The following SAV1 variants were observed in gnomAD, a reference collection of about 807,000 sequenced individuals.
The protein encoded by SAV1 is salvador family WW domain containing protein 1.
A neutral mutation model predicts 47.3 loss-of-function variants in SAV1; 23 were observed. The ratio of observed to expected loss-of-function variants is 0.49; its 90% CI spans 0.35 to 0.69. The LOEUF (loss-of-function observed/expected upper bound fraction) is 0.69. Ranked by LOEUF, SAV1 falls within the 30% of genes least tolerant of loss-of-function variation. The pLI is 0.01. For missense variants in SAV1, 448 were observed against 457.4 expected (o/e 0.98, Z 0.19); for synonymous variants, 155 against 159.2 (o/e 0.97, Z 0.20).
Position 50,640,891 on chromosome 14 carries a change from A to G in SAV1, c.809T>C (p.Val270Ala). The G allele has an allele frequency of 6.2e-7, 1 of 1,603,140 alleles. No homozygotes were observed. The highest frequency in any genetic ancestry group is 1.1e-5 in the South Asian group (1 of 88,948). Residue 270 changes from valine to alanine, a missense_variant and splice_region_variant, in exon 4 of 5, where the codon GTA becomes GCA. By Grantham distance (64) the Val-to-Ala change is moderately conservative (BLOSUM62 0). Coordinates refer to ENST00000324679, the MANE Select transcript of SAV1 (RefSeq NM_021818.4). ...AQYRHPCAPS[V>A]PRYDQPPPVT... ...AGGAGGTGGTTGATCATACCGAGGT[A>G]CACTAAGAAGAAAGGAGTGACATTC...
intron 2 of SAV1, among the ~76,000 whole-genome samples, chr14:50,660,246 A>C (rs1162482154): frequency 6.6e-5 from 10 of 152,120 alleles, no homozygotes; most frequent in Admixed American, 6.5e-4. Context: ...CTATGATCTC[A>C]TACCAGTCCA....
chr14:50,638,329 T>C (rs976588250), intron 4 of SAV1, among the ~76,000 whole-genome samples: 5 of 152,344 alleles, frequency 3.3e-5, no homozygotes, highest in African/African-American at 9.6e-5. Flanking sequence ...ATTCCGAAAA[T>C]TGGGTGTAAA....
At chr14:50,644,187 T>C (rs1178816760) in intron 3 of SAV1, among the ~76,000 whole-genome samples, 1 of 151,758 alleles carries the variant, frequency 6.6e-6, no homozygotes, top group East Asian at 1.9e-4. Context: ...GCTAAAAGTC[T>C]GGCAACAAAG....
intron 2 of SAV1, among the ~76,000 whole-genome samples, chr14:50,649,960 G>A (rs372296829): frequency 2.0e-5 from 3 of 152,156 alleles, no homozygotes; most frequent in African/African-American, 7.2e-5. Flanking sequence ...ACTTTGAAGA[G>A]CTTTTAAAAT....
intron 2 of SAV1, among the ~76,000 whole-genome samples, chr14:50,661,246 T>C (rs1005619348): frequency 2.0e-5 from 3 of 152,218 alleles, no homozygotes; most frequent in African/African-American, 7.2e-5. Context: ...CTTTTGGCCA[T>C]TTGTATGTCT....
At chr14:50,657,680 A>G (rs1343761105) in intron 2 of SAV1, among the ~76,000 whole-genome samples, 1 of 152,238 alleles carries the variant, frequency 6.6e-6, no homozygotes, top group African/African-American at 2.4e-5. Flanking sequence ...CCTTTCTGTA[A>G]TTTCAAGTAG....
intron 2 of SAV1, among the ~76,000 whole-genome samples, chr14:50,658,701 T>C (rs901452027): frequency 2.6e-5 from 4 of 152,212 alleles, no homozygotes; most frequent in Non-Finnish European, 2.9e-5. Context: ...TTTCTGAAAA[T>C]AGATCTATCG....
chr14:50,645,014 C>T lies in SAV1; in HGVS notation c.536G>A (p.Gly179Asp). ...AGATGTAGCAGCAACTCTCCCAATA[C>T]CTACGGGGAAAGAGAAAATGATAGA... Reference protein sequence around the residue: ...MPQNQGRHASGIGRVAATSLG... With the variant: ...MPQNQGRHASDIGRVAATSLG... Residue 179 changes from glycine to aspartate, a missense_variant and splice_region_variant, in exon 3 of 5, where the codon GGT (glycine) becomes GAT (aspartate). Coordinates refer to ENST00000324679, the MANE Select transcript of SAV1 (RefSeq NM_021818.4). 1.2e-6 allele frequency: 2 copies of T among 1,603,582 alleles called. No individual in the cohort carries two copies.
chr14:50,634,089 C>T lies in SAV1; in HGVS notation c.*1094G>A. 2 of 375,974 alleles carry T rather than the reference C, an allele frequency of 5.3e-6. No individual in the cohort carries two copies. Among genetic ancestry groups the T allele is most frequent in the Non-Finnish European group, 1.1e-5 (2 of 181,186 alleles). 23.3% of individuals were successfully genotyped at this position (375,974 alleles called of 1,614,324 possible). On this transcript the variant is annotated 3_prime_UTR_variant, in exon 5 of 5. Transcript: ENST00000324679. ...TGGTTGTCATTTTTGGTAGCTTAACCCAGTCTGTCAGAAGGCAGTATGCTA... is the reference window on the plus strand; with the variant it reads ...TGGTTGTCATTTTTGGTAGCTTAACTCAGTCTGTCAGAAGGCAGTATGCTA...
At chr14:50,640,230 C>T (rs1216412317) in intron 4 of SAV1, among the ~76,000 whole-genome samples, 1 of 152,202 alleles carries the variant, frequency 6.6e-6, no homozygotes, top group African/African-American at 2.4e-5. Context: ...GCTATCCTCC[C>T]ACCTCAGCCT....
intron 2 of SAV1, among the ~76,000 whole-genome samples, chr14:50,656,182 A>C (rs890506621): frequency 6.6e-6 from 1 of 152,212 alleles, no homozygotes; most frequent in African/African-American, 2.4e-5. Flanking sequence ...TTACATTTAA[A>C]CAACATTAGG....
chr14:50,660,378 G>A (rs2039848459), intron 2 of SAV1, among the ~76,000 whole-genome samples: 1 of 152,126 alleles, frequency 6.6e-6, no homozygotes, highest in Admixed American at 6.5e-5. Flanking sequence ...CAGCTGCCTT[G>A]CAATAATTAA....
intron 2 of SAV1, among the ~76,000 whole-genome samples, chr14:50,645,859 A>G (rs1466022855): frequency 1.3e-5 from 2 of 152,196 alleles, no homozygotes; most frequent in African/African-American, 4.8e-5. Flanking sequence ...ACAAAAATTA[A>G]TATTTATATA....
rs746472318 is a variant in SAV1 at position 50,644,887 on chromosome 14, G to A, written c.663C>T (p.Asn221=). 36 of 1,613,956 alleles carry A rather than the reference G, an allele frequency of 2.2e-5. No individual in the cohort carries two copies. In the East Asian group the frequency reaches 7.4e-4, roughly 33 times the overall value. ...GATGGCTCCAGTGAGTTGTATTTGT[G>A]TTATGATCTATATAATATTTTCTCC... ...MRGRKYYIDH[N]TNTTHWSHPL... The change falls in exon 3 of 5, where the codon AAC becomes AAT. Residue 221 remains asparagine (N), a synonymous_variant. Transcript: ENST00000324679.
intron 1 of SAV1, chr14:50,667,507 G>T (rs1464970888): frequency 6.4e-6 from 3 of 466,002 alleles, no homozygotes; most frequent in African/African-American, 5.9e-5. Context: ...GCATCTAAAA[G>T]AGTAAAAAGT....
intron 3 of SAV1, among the ~76,000 whole-genome samples, chr14:50,643,909 C>T (rs2039700348): frequency 6.6e-6 from 1 of 152,088 alleles, no homozygotes; most frequent in African/African-American, 2.4e-5. Flanking sequence ...TCCACTATAA[C>T]CAAAAAACTG....
At position 50,640,840 on chromosome 14, in the gene SAV1, T is replaced by C. The variant is rs780340471; in HGVS notation, c.860A>G (p.Glu287Gly). ...PPVTYQPQQT[E>G]RNQSLLVPAN... ...AGGTACCAGAAGGGACTGATTTCTTTCAGTTTGCTGTGGCTGGTATGTGAC... is the reference window on the plus strand; with the variant it reads ...AGGTACCAGAAGGGACTGATTTCTTCCAGTTTGCTGTGGCTGGTATGTGAC... The change falls in exon 4 of 5, where the codon GAA becomes GGA. Residue 287 changes from glutamate (E) to glycine (G), a missense_variant. By Grantham distance (98) the Glu-to-Gly change is moderately conservative. Transcript: ENST00000324679. 6.2e-7 allele frequency: 1 copy of C among 1,613,756 alleles called. No homozygotes were observed. Among genetic ancestry groups the C allele is most frequent in the African/African-American group, 1.3e-5 (1 of 74,918 alleles).
intron 2 of SAV1, among the ~76,000 whole-genome samples, chr14:50,659,591 G>A (rs947500566): frequency 3.9e-5 from 6 of 152,234 alleles, no homozygotes; most frequent in Non-Finnish European, 5.9e-5. Context: ...GCACATGCCT[G>A]TAATCCCAGC....
intron 1 of SAV1, among the ~76,000 whole-genome samples, chr14:50,666,197 C>T (rs1248808299): frequency 6.6e-6 from 1 of 151,974 alleles, no homozygotes; most frequent in Non-Finnish European, 1.5e-5. Context: ...GCTAGAAAGC[C>T]AAAAATTTAT....
Sources: gnomAD v4.1 joint callset for allele counts (sites outside exome capture counted in the v4.1 genomes callset) on GRCh38, gnomAD v4.1.1 for gene constraint, MANE v1.5 for transcripts, NCBI Gene and HGNC (gene_info 2026-07-23, HGNC 2026-07-21) for gene names.